CDC73: variants seen among roughly 807,000 people sequenced by gnomAD.
CDC73 encodes the protein parafibromin.
In CDC73, 21 loss-of-function variants were observed where a neutral mutation model predicts 83.7. The ratio of observed to expected loss-of-function variants is 0.25; its 90% CI spans 0.18 to 0.36. The LOEUF is 0.36. CDC73 is among the 10% of genes least tolerant of loss of function. The pLI is 1.00. For synonymous variants in CDC73, 224 were observed against 212.9 expected (o/e 1.05, Z -0.45); for missense variants, 342 against 653.3 (o/e 0.52, Z 5.19).
chr1:193,158,231 A>C (rs1340573573), intron 10 of CDC73, among the ~76,000 whole-genome samples: 1 of 152,084 alleles, frequency 6.6e-6, no homozygotes, highest in African/African-American at 2.4e-5. Flanking sequence ...TGTTTATCTT[A>C]TAGCAGAGAT....
At chr1:193,224,408 C>CAT (rs776813301) in intron 13 of CDC73, among the ~76,000 whole-genome samples, 14 of 151,398 alleles carry the variant, frequency 9.2e-5, no homozygotes, top group African/African-American at 3.4e-4. Flanking sequence ...CACATATACA[C>CAT]ATATGAAATA....
chr1:193,180,325 G>C (rs752322888), intron 10 of CDC73: 2 of 1,590,074 alleles, frequency 1.3e-6, no homozygotes, highest in South Asian at 2.3e-5. Flanking sequence ...ATACCTGCCT[G>C]CCTTTTCTTT....
chr1:193,154,832 G>A (rs1385404690), intron 10 of CDC73, among the ~76,000 whole-genome samples: 2 of 152,010 alleles, frequency 1.3e-5, no homozygotes, highest in Non-Finnish European at 2.9e-5. Context: ...GAGCTTGTGA[G>A]TTGCACCAAC....
At chr1:193,152,947 A>G (rs1676144857) in intron 10 of CDC73, among the ~76,000 whole-genome samples, 1 of 151,526 alleles carries the variant, frequency 6.6e-6, no homozygotes, top group Non-Finnish European at 1.5e-5. Flanking sequence ...TGCCCAGCTA[A>G]TTTTCTTGTA....
At chr1:193,202,012 C>T (rs1036725396) in intron 10 of CDC73, among the ~76,000 whole-genome samples, 1 of 152,132 alleles carries the variant, frequency 6.6e-6, no homozygotes, top group African/African-American at 2.4e-5. Flanking sequence ...TATATGCCTG[C>T]TCATTGTTTT....
chr1:193,206,607 A>G (rs974381016), intron 11 of CDC73, among the ~76,000 whole-genome samples: 2 of 152,150 alleles, frequency 1.3e-5, no homozygotes, highest in Admixed American at 6.5e-5. Flanking sequence ...ATTTCTTTAA[A>G]ATCTGAAAAA....
At chr1:193,236,140 C>G (rs1173119115) in intron 14 of CDC73, 116 bp from the exon 15 acceptor site, 1 of 781,086 alleles carries the variant, frequency 1.3e-6, no homozygotes, top group Non-Finnish European at 2.4e-6. Flanking sequence ...TGATAAGACT[C>G]TTTCACATGA....
At chr1:193,182,291 A>C (rs1676730128) in intron 10 of CDC73, among the ~76,000 whole-genome samples, 1 of 152,158 alleles carries the variant, frequency 6.6e-6, no homozygotes, top group African/African-American at 2.4e-5. Context: ...ACTTCAGTGT[A>C]GGATTTTTAG....
At chr1:193,152,328 A>G (rs1676128399) in intron 9 of CDC73, 52 bp from the exon 10 acceptor site, 3 of 1,138,794 alleles carry the variant, frequency 2.6e-6, no homozygotes, top group South Asian at 1.2e-5. Flanking sequence ...GTTATAGGTC[A>G]TAAGATACAT....
chr1:193,244,270 C>T (rs527550298), intron 15 of CDC73, among the ~76,000 whole-genome samples: 6 of 152,278 alleles, frequency 3.9e-5, no homozygotes, highest in South Asian at 4.1e-4. Context: ...TATCACCTGC[C>T]GAACAATCCA....
intron 7 of CDC73, among the ~76,000 whole-genome samples, chr1:193,146,168 A>G (rs1318595578): frequency 6.6e-6 from 1 of 152,114 alleles, no homozygotes; most frequent in South Asian, 2.1e-4. Context: ...TTTGATCATC[A>G]TTGTACCCAA....
At chr1:193,155,813 T>G (rs1352510385) in intron 10 of CDC73, among the ~76,000 whole-genome samples, 2 of 151,952 alleles carry the variant, frequency 1.3e-5, no homozygotes, top group Non-Finnish European at 2.9e-5. Context: ...TTAAACAGAT[T>G]TTGTGGTTCA....
At chr1:193,124,147 A>G (rs1006174204) in intron 1 of CDC73, among the ~76,000 whole-genome samples, 12 of 152,274 alleles carry the variant, frequency 7.9e-5, no homozygotes, top group African/African-American at 2.9e-4. Flanking sequence ...TGCTTATCAC[A>G]GTAGATTTTA....
At chr1:193,250,022 A>G (rs1173090239) in intron 16 of CDC73, 151 bp downstream of exon 16, 24 of 730,946 alleles carry the variant, frequency 3.3e-5, no homozygotes, top group Non-Finnish European at 4.9e-5. Flanking sequence ...ATAATTAACA[A>G]TTTTTTATTG....
At chr1:193,237,506 C>G (rs1264329156) in intron 15 of CDC73, among the ~76,000 whole-genome samples, 1 of 152,008 alleles carries the variant, frequency 6.6e-6, no homozygotes, top group East Asian at 1.9e-4. Flanking sequence ...GATTAGATAA[C>G]CTGGGGATGT....
chr1:193,180,899 CT>C, intron 10 of CDC73: 1 of 1,613,806 alleles, frequency 6.2e-7, no homozygotes, highest in Non-Finnish European at 8.5e-7. Flanking sequence ...TAGTACGTAT[CT>C]AAGTATTCCT....
Position 193,251,660 on chromosome 1 carries a change from C to T in CDC73, c.*948C>T, listed in dbSNP as rs761544591. 6.9e-5 allele frequency: 16 copies of T among 231,968 alleles called. No homozygotes were observed. The highest frequency in any genetic ancestry group is 1.2e-4 in the Non-Finnish European group (14 of 117,026). 14.4% of individuals were successfully genotyped at this position (231,968 alleles called of 1,614,324 possible). A position where few individuals can be genotyped will look rare whatever the true frequency, so the allele number is the denominator to read the frequency against. On this transcript the variant is annotated 3_prime_UTR_variant, in exon 17 of 17. Transcript: ENST00000367435. ...TCCCAGGCACCAAAGAAAACATTTG[C>T]TTAATTGTCTGAAAAGAAACAAGAG...
chr1:193,146,891 G>A (rs560866182), intron 7 of CDC73, among the ~76,000 whole-genome samples: 1 of 152,266 alleles, frequency 6.6e-6, no homozygotes, highest in Non-Finnish European at 1.5e-5. Flanking sequence ...AAACTCATAT[G>A]TAGCAATCTG....
intron 10 of CDC73, among the ~76,000 whole-genome samples, chr1:193,178,418 T>C (rs1213673403): frequency 2.0e-5 from 3 of 152,164 alleles, no homozygotes; most frequent in Non-Finnish European, 4.4e-5. Flanking sequence ...CAGATGGAAA[T>C]TACTATCTTT....
Sources: allele counts gnomAD v4.1 joint callset (sites outside exome capture counted in the v4.1 genomes callset), GRCh38; gene constraint gnomAD v4.1.1; transcripts MANE v1.5; gene names NCBI Gene and HGNC (gene_info 2026-07-23, HGNC 2026-07-21).